Variants in ARRB1 observed in about 807,000 individuals in gnomAD.
The protein encoded by ARRB1 is arrestin beta 1.
Under a neutral mutation model 56.8 loss-of-function variants are expected in ARRB1, and 21 were observed. The observed-to-expected ratio is 0.37, with a 90% CI of 0.26 to 0.53. The LOEUF (loss-of-function observed/expected upper bound fraction) is 0.53. Ranked by LOEUF, ARRB1 falls within the 20% of genes least tolerant of loss-of-function variation. The pLI is 0.88. For synonymous variants in ARRB1, 210 were observed against 218.6 expected (o/e 0.96, Z 0.35); for missense variants, 424 against 553.7 (o/e 0.77, Z 2.35).
intron 5 of ARRB1, among the ~76,000 whole-genome samples, chr11:75,283,065 G>A (rs1356501734): frequency 6.6e-6 from 1 of 152,168 alleles, no homozygotes; most frequent in Non-Finnish European, 1.5e-5. Flanking sequence ...GCCTCAGAAG[G>A]GTCTGAGGAG....
At chr11:75,299,267 G>A (rs1946836987) in intron 1 of ARRB1, among the ~76,000 whole-genome samples, 1 of 150,952 alleles carries the variant, frequency 6.6e-6, no homozygotes, top group African/African-American at 2.4e-5. Context: ...AAAAGACAGA[G>A]AGAATGAAAA....
At chr11:75,322,435 G>C (rs2140496948) in intron 1 of ARRB1, among the ~76,000 whole-genome samples, 1 of 152,310 alleles carries the variant, frequency 6.6e-6, no homozygotes, top group East Asian at 1.9e-4. Context: ...GTACCCAGGA[G>C]GCAGAGGTTG....
At chr11:75,322,180 C>T (rs949073131) in intron 1 of ARRB1, among the ~76,000 whole-genome samples, 2 of 152,192 alleles carry the variant, frequency 1.3e-5, no homozygotes, top group African/African-American at 4.8e-5. Flanking sequence ...AGTACTAACT[C>T]CAAAAGGGAC....
At chr11:75,297,390 G>C (rs1245406958) in intron 1 of ARRB1, among the ~76,000 whole-genome samples, 1 of 152,080 alleles carries the variant, frequency 6.6e-6, no homozygotes, top group Non-Finnish European at 1.5e-5. Flanking sequence ...TAGATCAATG[G>C]GATATAATTG....
Position 75,271,727 on chromosome 11 carries a change from G to T in ARRB1, c.999-3C>A. ...TGGATGCAAGATCTCCCAACAGGCT[G>T]GGTGGGTCAGAGGAGGCAGGAGAAG... is the stretch of plus-strand genomic sequence containing the variant. On this transcript the variant is annotated splice_region_variant and splice_polypyrimidine_tract_variant and intron_variant, in intron 12 of 15. Coordinates refer to ENST00000420843, the MANE Select transcript of ARRB1 (RefSeq NM_004041.5). 1 of 1,572,836 alleles carries T rather than the reference G, an allele frequency of 6.4e-7. No homozygotes were observed. Among genetic ancestry groups the T allele is most frequent in the Non-Finnish European group, 8.6e-7 (1 of 1,158,674 alleles).
chr11:75,290,471 G>T (rs1379352216), intron 1 of ARRB1, among the ~76,000 whole-genome samples: 1 of 152,040 alleles, frequency 6.6e-6, no homozygotes, highest in African/African-American at 2.4e-5. Context: ...CCACCTCGGG[G>T]ACAGTTCTCT....
intron 2 of ARRB1, among the ~76,000 whole-genome samples, chr11:75,287,932 A>T (rs1333049411): frequency 6.6e-6 from 1 of 151,984 alleles, no homozygotes; most frequent in Non-Finnish European, 1.5e-5. Context: ...GCGCGATCTC[A>T]GATCCCTGCA....
chr11:75,283,162 C>T, intron 5 of ARRB1, 125 bp downstream of exon 5: 1 of 1,028,988 alleles, frequency 9.7e-7, no homozygotes. Flanking sequence ...CCCCAGGTCC[C>T]AGCATACACT....
At chr11:75,332,829 A>C (rs1947542515) in intron 1 of ARRB1, among the ~76,000 whole-genome samples, 1 of 152,018 alleles carries the variant, frequency 6.6e-6, no homozygotes, top group Admixed American at 6.6e-5. Context: ...CGGGAGGCGG[A>C]GGTTGCAGTA....
intron 7 of ARRB1, among the ~76,000 whole-genome samples, chr11:75,279,773 T>C (rs1283845152): frequency 6.6e-6 from 1 of 152,202 alleles, no homozygotes; most frequent in East Asian, 1.9e-4. Flanking sequence ...CTTCAAGCAA[T>C]TCTCCTGCCT....
intron 9 of ARRB1, among the ~76,000 whole-genome samples, 191 bp from the exon 10 acceptor site, chr11:75,277,102 C>T (rs1313561456): frequency 2.0e-5 from 3 of 151,894 alleles, no homozygotes; most frequent in African/African-American, 7.2e-5. Context: ...CCTTCCATAA[C>T]CAAAGCCTTC....
intron 10 of ARRB1, 68 bp downstream of exon 10, chr11:75,276,771 G>C (rs144539486): frequency 6.5e-6 from 10 of 1,531,322 alleles, no homozygotes; most frequent in Middle Eastern, 1.7e-4. Flanking sequence ...ACCTGTAACA[G>C]GACACCTAGA....
chr11:75,260,567 C>T lies in ARRB1; in HGVS notation c.*5596G>A, dbSNP rs1397203182. Reference sequence around the variant, plus strand: ...CTCATATGACCACCTATCATACCCACCTCTCCTATGACCCTTGCAATTGTC... The same window carrying T: ...CTCATATGACCACCTATCATACCCATCTCTCCTATGACCCTTGCAATTGTC... On this transcript the variant is annotated 3_prime_UTR_variant, in exon 16 of 16. Transcript: ENST00000420843. 1 of 152,302 alleles carries T rather than the reference C, an allele frequency of 6.6e-6. No homozygotes were observed. The highest frequency in any genetic ancestry group is 1.5e-5 in the Non-Finnish European group (1 of 68,098). The allele number at this position is 152,302 out of a possible 1,614,324, so 9.4% of individuals were successfully genotyped here.
chr11:75,279,493 G>A lies in ARRB1; in HGVS notation c.483-749C>T, dbSNP rs911118641. Among the ~76,000 whole-genome samples, 46 of 152,036 alleles carry A rather than the reference G, an allele frequency of 3.0e-4. 2 individuals are homozygous for A. The highest frequency in any genetic ancestry group is 2.0e-4 in the Admixed American group (3 of 15,280). On this transcript the variant is annotated intron_variant, in intron 7 of 15. Transcript: ENST00000420843. Reference sequence around the variant, plus strand: ...GCATGCTGGGAATGCCGGCATCTCCGTTGCTCAGATAAGCTGCCTCCATTG... The same window carrying A: ...GCATGCTGGGAATGCCGGCATCTCCATTGCTCAGATAAGCTGCCTCCATTG...
In ARRB1 at chr11:75,274,345, C is replaced by T. The variant is rs1246688700; in HGVS notation, c.777-134G>A. On this transcript the variant is annotated intron_variant, in intron 10 of 15. Transcript: ENST00000420843. ...TCCCAACCTCTGTCCCCCAGACACA[C>T]GGACCACTTGGGCCAGCCCAGCTCG... The T allele has an allele frequency of 4.1e-5, 55 of 1,333,920 alleles. No individual in the cohort carries two copies. In the South Asian group the frequency reaches 5.8e-4, roughly 14 times the overall value. 82.6% of individuals were successfully genotyped at this position (1,333,920 alleles called of 1,614,324 possible).
intron 1 of ARRB1, among the ~76,000 whole-genome samples, chr11:75,325,101 C>T (rs895807582): frequency 2.6e-5 from 4 of 152,140 alleles, no homozygotes; most frequent in Non-Finnish European, 5.9e-5. Context: ...CTACATGGTG[C>T]AGGGGTGACA....
intron 1 of ARRB1, among the ~76,000 whole-genome samples, chr11:75,321,410 T>G (rs1947348345): frequency 6.6e-6 from 1 of 152,032 alleles, no homozygotes; most frequent in South Asian, 2.1e-4. Context: ...ACCCATCTCC[T>G]GTCCAGGGCC....
intron 7 of ARRB1, among the ~76,000 whole-genome samples, chr11:75,279,725 T>A (rs1326646800): frequency 6.6e-6 from 1 of 152,210 alleles, no homozygotes; most frequent in African/African-American, 2.4e-5. Flanking sequence ...TGGAGTGCAG[T>A]GGCGCAATCT....
At chr11:75,324,657 G>A (rs1396199467) in intron 1 of ARRB1, among the ~76,000 whole-genome samples, 1 of 152,068 alleles carries the variant, frequency 6.6e-6, no homozygotes, top group African/African-American at 2.4e-5. Context: ...AACATACCTG[G>A]GTCTTCTGAG....
Sources: allele counts gnomAD v4.1 joint callset (sites outside exome capture counted in the v4.1 genomes callset), GRCh38; gene constraint gnomAD v4.1.1; transcripts MANE v1.5; gene names NCBI Gene and HGNC (gene_info 2026-07-23, HGNC 2026-07-21).